Variants in CELF2 observed in about 807,000 individuals in gnomAD.
The protein encoded by CELF2 is CUG triplet repeat RNA-binding protein 2.
CELF2 carries 8 observed loss-of-function variants against 62.6 expected under a neutral mutation model. The ratio of observed to expected loss-of-function variants is 0.13; its 90% confidence interval spans 0.07 to 0.23. The LOEUF (loss-of-function observed/expected upper bound fraction) is 0.23, where lower values mean the gene tolerates loss of function less well. CELF2 is among the 10% of genes least tolerant of loss of function. The pLI, the probability that CELF2 is intolerant of heterozygous loss-of-function variation, is 1.00. For synonymous variants in CELF2, 258 were observed against 250.0 expected (o/e 1.03, Z -0.30); for missense variants, 333 against 671.0 (o/e 0.50, Z 5.56).
At chr10:10,678,935 T>C in the CELF2 span, among the ~76,000 whole-genome samples, 1 of 152,126 alleles carries the variant, frequency 6.6e-6, no homozygotes, top group African/African-American at 2.4e-5. Context: ...ATATAAACAG[T>C]AGAACAGAAT....
rs2090867558 is a variant in CELF2, at chr10:11,285,326, C to T, written c.842-3092C>T. Among the ~76,000 whole-genome samples the T allele has an allele frequency of 6.6e-6, 1 of 152,136 alleles. No individual in the cohort carries two copies. The highest frequency in any genetic ancestry group is 2.4e-5 in the African/African-American group (1 of 41,394). ...TCATAGTTTTTCCTTTCCTTGCAGT[C>T]TGGCTGTTGAGCAGTGTTAGCTATG... is the stretch of plus-strand genomic sequence containing the variant. On this transcript the variant is annotated intron_variant, in intron 8 of 12. Transcript: ENST00000633077. This position sits in a 1 kb window ranked among gnomAD's most constrained non-coding sequence, Gnocchi z 4.3.
At chr10:10,637,789 G>T in the CELF2 span, among the ~76,000 whole-genome samples, 1 of 152,216 alleles carries the variant, frequency 6.6e-6, no homozygotes, top group East Asian at 1.9e-4. Flanking sequence ...AGCATTGTCA[G>T]CCCCGTTTGG....
chr10:10,990,322 A>G lies in CELF2; in HGVS notation c.89+70323A>G, dbSNP rs202122040. On this transcript the variant is annotated intron_variant, in intron 2 of 13. Transcript: ENST00000636488. This position sits in a 1 kb window ranked among gnomAD's most constrained non-coding sequence, Gnocchi z 4.6. ...ATCAATACAACCACAGTTTTATATA[A>G]AGAGACAAAGTATATGGATTGAAAA... 3.8e-5 allele frequency among the ~76,000 whole-genome samples: 5 copies of G among 132,380 alleles called. No individual in the cohort carries two copies. The highest frequency in any genetic ancestry group is 1.1e-4 in the African/African-American group (4 of 37,992). The allele number at this position is 132,380 out of a possible 152,430, so 86.8% of individuals were successfully genotyped here.
Position 11,075,827 on chromosome 10 carries a change from G to A in CELF2, c.74+57664G>A, listed in dbSNP as rs2071707004. ...CGTCGTAGGCAAGAAAAAAGCATCA[G>A]TATTAGGGCAAAATACTAGTAATCT... On this transcript the variant is annotated intron_variant, in intron 1 of 12. Coordinates refer to ENST00000633077, the MANE Select transcript of CELF2 (RefSeq NM_001326342.2). The surrounding 1 kb of genome is among the most constrained non-coding windows in gnomAD (Gnocchi z 5.4). Among the ~76,000 whole-genome samples the A allele has an allele frequency of 3.9e-5, 6 of 152,056 alleles. No individual in the cohort carries two copies. In the South Asian group the frequency reaches 1.2e-3, roughly 32 times the overall value.
chr10:10,935,111 G>T (rs970598090), intron 2 of CELF2: 3 of 152,128 alleles, frequency 2.0e-5, no homozygotes, highest in African/African-American at 7.2e-5. Context: ...ACACTGTTAG[G>T]GGAGATCTGT....
At chr10:10,521,018 C>A in the CELF2 span, among the ~76,000 whole-genome samples, 1 of 152,042 alleles carries the variant, frequency 6.6e-6, no homozygotes, top group Non-Finnish European at 1.5e-5. Flanking sequence ...AATGCAAGTC[C>A]CTGTTAAAAT....
At position 10,990,557 on chromosome 10, in the gene CELF2, T is replaced by C. The variant is rs199873955; in HGVS notation, c.89+70558T>C. Among the ~76,000 whole-genome samples the C allele has an allele frequency of 7.2e-5, 11 of 152,196 alleles. No homozygotes were observed. The East Asian group carries it at 1.9e-3, about 27-fold the overall frequency. On this transcript the variant is annotated intron_variant, in intron 2 of 13. Transcript: ENST00000636488. This position sits in a 1 kb window ranked among gnomAD's most constrained non-coding sequence, Gnocchi z 4.6. ...TCACTAAATCTGAGTTAATGGCATC[T>C]AAATTAAGAGTCTTTCAATGGTAAA...
chr10:10,677,392 G>A, the CELF2 span, among the ~76,000 whole-genome samples: 1 of 152,182 alleles, frequency 6.6e-6, no homozygotes, highest in African/African-American at 2.4e-5. Context: ...AAAGGTAGAA[G>A]CAGTTCTGAC....
the CELF2 span, among the ~76,000 whole-genome samples, chr10:10,780,484 TTTGTTTG>T: frequency 1.3e-5 from 2 of 150,900 alleles, no homozygotes; most frequent in Non-Finnish European, 2.9e-5. Context: ...TGTTTGTTTG[TTTGTTTG>T]TTTGTTTTGA....
chr10:10,743,264 T>C, the CELF2 span, among the ~76,000 whole-genome samples: 2 of 152,224 alleles, frequency 1.3e-5, no homozygotes, highest in African/African-American at 4.8e-5. Flanking sequence ...GTGGTCTCTA[T>C]TGAAATGAGC....
At chr10:10,691,618 C>T in the CELF2 span, among the ~76,000 whole-genome samples, 1 of 151,762 alleles carries the variant, frequency 6.6e-6, no homozygotes, top group Non-Finnish European at 1.5e-5. Flanking sequence ...TTTACAGTCC[C>T]ACCAACAGTG....
chr10:10,623,201 A>G, the CELF2 span, among the ~76,000 whole-genome samples: 21 of 149,180 alleles, frequency 1.4e-4, no homozygotes, highest in East Asian at 2.0e-3. Context: ...AGCTGCCTCT[A>G]TTTGCTAGAA....
intron 1 of CELF2, among the ~76,000 whole-genome samples, chr10:10,844,499 GGAGA>G (rs1320617947): frequency 1.3e-5 from 2 of 152,084 alleles, no homozygotes; most frequent in Admixed American, 6.6e-5. Context: ...CTCTAAGTGG[GGAGA>G]GAGAGTCCAG....
At chr10:10,680,156 T>C in the CELF2 span, among the ~76,000 whole-genome samples, 3 of 152,054 alleles carry the variant, frequency 2.0e-5, no homozygotes, top group South Asian at 4.1e-4. Flanking sequence ...TATGTATGTA[T>C]GTATGTATGT....
At chr10:10,659,412 T>A in the CELF2 span, among the ~76,000 whole-genome samples, 344 of 152,340 alleles carry the variant, frequency 2.3e-3, 2 homozygotes, top group African/African-American at 8.0e-3. Flanking sequence ...ATGAGTGTCA[T>A]GTAGGTTATT....
rs909340888 is a variant in CELF2 at position 11,285,385 on chromosome 10, C to T, written c.842-3033C>T. ...TGGTGCCTCAGAGACTCAGCCACTC[C>T]CCCTGGACTTTCCAGGCGGCAGCAG... On this transcript the variant is annotated intron_variant, in intron 8 of 12. Transcript: ENST00000633077. This position sits in a 1 kb window ranked among gnomAD's most constrained non-coding sequence, Gnocchi z 4.3. Among the ~76,000 whole-genome samples, 2 of 152,096 alleles carry T rather than the reference C, an allele frequency of 1.3e-5. No homozygotes were observed. The highest frequency in any genetic ancestry group is 4.8e-5 in the African/African-American group (2 of 41,390).
At chr10:10,549,842 C>T in the CELF2 span, among the ~76,000 whole-genome samples, 3 of 152,110 alleles carry the variant, frequency 2.0e-5, no homozygotes, top group Non-Finnish European at 4.4e-5. Context: ...CAATCCAGCT[C>T]ATAAAAGGTA....
intron 1 of CELF2, among the ~76,000 whole-genome samples, chr10:11,128,561 T>G (rs1265918071): frequency 3.9e-5 from 6 of 152,150 alleles, no homozygotes; most frequent in African/African-American, 7.2e-5. Flanking sequence ...ATTGAGTGGT[T>G]GTTTGTAGTT....
chr10:11,189,476 CT>C (rs1450875070), intron 2 of CELF2, among the ~76,000 whole-genome samples: 5 of 152,184 alleles, frequency 3.3e-5, no homozygotes, highest in African/African-American at 1.2e-4. Flanking sequence ...GTTTAGGTCT[CT>C]AATCTCACTG....
Sources: gnomAD v4.1 joint callset for allele counts (sites outside exome capture counted in the v4.1 genomes callset) on GRCh38, gnomAD v4.1.1 for gene constraint, Gnocchi (gnomAD v3.1) non-coding constraint, MANE v1.5 for transcripts, NCBI Gene and HGNC (gene_info 2026-07-23, HGNC 2026-07-21) for gene names.